Variants in UNC13C observed in about 807,000 individuals in gnomAD.
UNC13C encodes unc-13 homolog C.
UNC13C carries 174 observed loss-of-function variants against 245.4 expected under a neutral mutation model. The ratio of observed to expected loss-of-function variants is 0.71; its 90% CI spans 0.63 to 0.80. UNC13C has a LOEUF of 0.80. UNC13C is among the 30% of genes least tolerant of loss of function. The probability of loss-of-function intolerance (pLI) is 0.00; values close to 1 mark genes in which losing one functional copy is unlikely to be tolerated. For missense variants in UNC13C, 2,829 were observed against 2,602.9 expected (o/e 1.09, Z -1.89); for synonymous variants, 992 against 895.1 (o/e 1.11, Z -1.93).
chr15:54,055,828 A>G (rs1399421211), intron 2 of UNC13C, among the ~76,000 whole-genome samples: 1 of 152,196 alleles, frequency 6.6e-6, no homozygotes. Context: ...AAACTAAAAT[A>G]TATGTTTTGC....
intron 30 of UNC13C, among the ~76,000 whole-genome samples, chr15:54,578,360 TA>T: frequency 6.6e-6 from 1 of 152,196 alleles, no homozygotes; most frequent in Non-Finnish European, 1.5e-5. Context: ...CTCACATTTT[TA>T]ATCAACAACT....
chr15:54,479,837 G>C (rs1486151205), intron 19 of UNC13C, among the ~76,000 whole-genome samples: 2 of 152,032 alleles, frequency 1.3e-5, no homozygotes, highest in Admixed American at 1.3e-4. Flanking sequence ...TGTAAGGCCT[G>C]TGTAGTGGTG....
Position 54,494,657 on chromosome 15 carries a change from T to C in UNC13C, c.4983T>C (p.His1661=), listed in dbSNP as rs1893871551. 6.2e-7 allele frequency: 1 copy of C among 1,611,402 alleles called. No individual in the cohort carries two copies. Among genetic ancestry groups the C allele is most frequent in the Non-Finnish European group, 8.5e-7 (1 of 1,178,632 alleles). The change falls in exon 20 of 33, where the codon CAT becomes CAC. Residue 1661 remains histidine, a synonymous_variant. Coordinates refer to ENST00000260323, the MANE Select transcript of UNC13C (RefSeq NM_001080534.3). ...AGAGCACCGATTATATGAATTTGCA[T>C]TTCAAAGTTAAATGGTTTTATAATG... ...LCKSTDYMNL[H]FKVKWFYNEY... is the part of the protein sequence containing the mutation.
Position 54,237,650 on chromosome 15 carries a change from T to A in UNC13C, c.3188T>A (p.Leu1063Gln). 1 of 1,612,612 alleles carries A rather than the reference T, an allele frequency of 6.2e-7. No individual in the cohort carries two copies. Among genetic ancestry groups the A allele is most frequent in the Non-Finnish European group, 8.5e-7 (1 of 1,179,458 alleles). Residue 1063 changes from leucine to glutamine, a missense_variant, in exon 7 of 33, where the codon CTG (leucine) becomes CAG (glutamine). Transcript: ENST00000260323. Reference sequence around the variant, plus strand: ...GCTGCCCGGAAATCTGGACTCTCCCTGGCTATGGTGATTAGGACATCCCTA... The same window carrying A: ...GCTGCCCGGAAATCTGGACTCTCCCAGGCTATGGTGATTAGGACATCCCTA... ...TLAARKSGLS[L>Q]AMVIRTSLNN...
chr15:54,576,230 T>G (rs1228080313), intron 30 of UNC13C, among the ~76,000 whole-genome samples: 1 of 152,194 alleles, frequency 6.6e-6, no homozygotes, highest in African/African-American at 2.4e-5. Flanking sequence ...CTAAGGTAGT[T>G]GGTCAAGTAG....
chr15:54,451,308 C>A (rs1049544102), intron 19 of UNC13C, among the ~76,000 whole-genome samples: 1 of 151,902 alleles, frequency 6.6e-6, no homozygotes, highest in Non-Finnish European at 1.5e-5. Flanking sequence ...CTTTTTTCAG[C>A]CTTTTGAATA....
rs79600459 is a variant in UNC13C, at chr15:54,307,432, A to G, written c.4268+7059A>G. Among the ~76,000 whole-genome samples the G allele has an allele frequency of 3.5e-3, 535 of 152,066 alleles. 19 individuals are homozygous for G. In the East Asian group the frequency reaches 0.067, roughly 19 times the overall value. The stretch of plus-strand genomic sequence containing the variant: ...CTCAACAGCCTCACCACTTAATACT[A>G]CAACCTTGAGTCATAGGTTTCAACA... On this transcript the variant is annotated intron_variant, in intron 13 of 32. Coordinates refer to ENST00000260323, the MANE Select transcript of UNC13C (RefSeq NM_001080534.3).
At chr15:54,176,339 A>G (rs1289242416) in intron 4 of UNC13C, among the ~76,000 whole-genome samples, 4 of 152,184 alleles carry the variant, frequency 2.6e-5, no homozygotes, top group African/African-American at 9.6e-5. Flanking sequence ...TACTGAGATT[A>G]TTATGTTCTA....
chr15:53,868,260 G>T, the UNC13C span, among the ~76,000 whole-genome samples: 1 of 152,196 alleles, frequency 6.6e-6, no homozygotes, highest in Non-Finnish European at 1.5e-5. Flanking sequence ...ACATTGCAAT[G>T]CACTTTCCCT....
Position 54,042,860 on chromosome 15 carries a change from AAAAAGAAAAAG to A in UNC13C, c.2983+26979_2983+26989del, listed in dbSNP as rs1184418504. Among the ~76,000 whole-genome samples the A allele has an allele frequency of 9.2e-5, 5 of 54,136 alleles. No homozygotes were observed. The East Asian group carries it at 3.9e-3, about 43-fold the overall frequency. The allele number at this position is 54,136 out of a possible 152,430, so 35.5% of individuals were successfully genotyped here. On this transcript the variant is annotated intron_variant, in intron 2 of 32. Transcript: ENST00000260323. ...AGAGCGAGACTCTGTCTCAGAAAAG[AAAAAGAAAAAG>A]AAAAAGAAACCACTTACTGAGAATC...
intron 4 of UNC13C, among the ~76,000 whole-genome samples, chr15:54,168,754 A>G (rs1442393980): frequency 6.6e-6 from 1 of 152,194 alleles, no homozygotes; most frequent in Non-Finnish European, 1.5e-5. Context: ...TTATATTGGA[A>G]ATAAAAGTAG....
intron 19 of UNC13C, among the ~76,000 whole-genome samples, chr15:54,454,502 C>T (rs12912159): frequency 0.39 from 58,987 of 150,542 alleles, 11,818 homozygotes; most frequent in East Asian, 0.62. Context: ...CACTTGAACC[C>T]GGGAGGTGGA....
Position 53,984,998 on chromosome 15 carries a change from C to T in UNC13C, c.-257+6071C>T, listed in dbSNP as rs370755380. On this transcript the variant is annotated intron_variant, in intron 1 of 32. Transcript: ENST00000260323. ...CTCTTTATTTCTTCTAAAGAAAACA[C>T]GGGAATACATGTGCAGAACGTGCAG... 6.1e-4 allele frequency among the ~76,000 whole-genome samples: 92 copies of T among 152,024 alleles called. 1 individual carries two copies. Among genetic ancestry groups the T allele is most frequent in the South Asian group, 1.2e-3 (6 of 4,812 alleles).
At chr15:54,466,430 A>G (rs1192499757) in intron 19 of UNC13C, among the ~76,000 whole-genome samples, 1 of 151,922 alleles carries the variant, frequency 6.6e-6, no homozygotes, top group African/African-American at 2.4e-5. Context: ...AAAATATCTC[A>G]TGTACCCCAT....
At chr15:54,076,676 CA>C (rs1483372518) in intron 2 of UNC13C, among the ~76,000 whole-genome samples, 1 of 152,128 alleles carries the variant, frequency 6.6e-6, no homozygotes, top group African/African-American at 2.4e-5. Context: ...TTGGTTTCTG[CA>C]TAAGAAAACT....
chr15:54,070,878 A>AT (rs1898291233), intron 2 of UNC13C, among the ~76,000 whole-genome samples: 1 of 152,192 alleles, frequency 6.6e-6, no homozygotes, highest in Non-Finnish European at 1.5e-5. Flanking sequence ...ATTTCAAACT[A>AT]TTAGTCCAGT....
intron 10 of UNC13C, among the ~76,000 whole-genome samples, chr15:54,279,447 T>A (rs1483809541): frequency 1.3e-5 from 2 of 152,204 alleles, no homozygotes; most frequent in African/African-American, 4.8e-5. Flanking sequence ...ATGAGAGGGA[T>A]GTTAGTTGAC....
intron 4 of UNC13C, among the ~76,000 whole-genome samples, chr15:54,232,125 T>C (rs982048410): frequency 6.6e-6 from 1 of 152,106 alleles, no homozygotes; most frequent in African/African-American, 2.4e-5. Flanking sequence ...AATTTTATAT[T>C]ATTACTTGAT....
At chr15:54,078,822 C>T (rs1377957957) in intron 2 of UNC13C, among the ~76,000 whole-genome samples, 1 of 151,804 alleles carries the variant, frequency 6.6e-6, no homozygotes, top group African/African-American at 2.4e-5. Context: ...TCTTTAAGTT[C>T]CATTTGTCTA....
Sources: gnomAD v4.1 joint callset for allele counts (sites outside exome capture counted in the v4.1 genomes callset) on GRCh38, gnomAD v4.1.1 for gene constraint, MANE v1.5 for transcripts, NCBI Gene and HGNC (gene_info 2026-07-23, HGNC 2026-07-21) for gene names.